EML1: variants seen among roughly 807,000 people sequenced by gnomAD.
The protein encoded by EML1 is echinoderm microtubule-associated protein-like 1.
In EML1, 27 loss-of-function variants were observed where a neutral mutation model predicts 110.4. The observed-to-expected ratio is 0.24, with a 90% CI of 0.18 to 0.34. The LOEUF (loss-of-function observed/expected upper bound fraction) is 0.34. EML1 is among the 10% of genes least tolerant of loss of function. The pLI, the probability that EML1 is intolerant of heterozygous loss-of-function variation, is 1.00. For synonymous variants in EML1, 344 were observed against 385.8 expected (o/e 0.89, Z 1.27); for missense variants, 741 against 1,030.9 (o/e 0.72, Z 3.85).
At chr14:99,931,586 A>C (rs185803162) in intron 17 of EML1, among the ~76,000 whole-genome samples, 1 of 152,192 alleles carries the variant, frequency 6.6e-6, no homozygotes, top group Admixed American at 6.5e-5. Flanking sequence ...ATTTCAGTGG[A>C]GTAAGTTTAG....
chr14:99,739,003 A>G (rs1280893201), intron 1 of EML1, among the ~76,000 whole-genome samples: 2 of 151,768 alleles, frequency 1.3e-5, no homozygotes, highest in African/African-American at 4.8e-5. Flanking sequence ...GTTACTAATG[A>G]ACAGTGCCAG....
At chr14:99,739,119 A>AGTGTGTGTGT (rs71113220) in intron 1 of EML1, among the ~76,000 whole-genome samples, 8 of 134,910 alleles carry the variant, frequency 5.9e-5, no homozygotes, top group African/African-American at 2.1e-4. Flanking sequence ...AGAGAGAGAG[A>AGTGTGTGTGT]GTGTGTGTGT....
chr14:99,738,611 G>T (rs1290966079), intron 1 of EML1, among the ~76,000 whole-genome samples: 1 of 152,238 alleles, frequency 6.6e-6, no homozygotes, highest in Non-Finnish European at 1.5e-5. Flanking sequence ...AGGCTGGGTG[G>T]TCTTGGGCAG....
At chr14:99,906,348 C>T (rs573811059) in intron 9 of EML1, among the ~76,000 whole-genome samples, 2 of 152,160 alleles carry the variant, frequency 1.3e-5, no homozygotes, top group Non-Finnish European at 2.9e-5. Context: ...AGAGCAGCCC[C>T]GAGGGCTGCT....
chr14:99,775,075 G>A (rs2057467189), intron 1 of EML1, among the ~76,000 whole-genome samples: 1 of 152,230 alleles, frequency 6.6e-6, no homozygotes, highest in African/African-American at 2.4e-5. Context: ...ATACTGTTAT[G>A]TAATTAGGAA....
At chr14:99,850,158 CA>C in intron 1 of EML1, 1 of 518,786 alleles carries the variant, frequency 1.9e-6, no homozygotes, top group Non-Finnish European at 3.4e-6. Flanking sequence ...AGGCTGATAT[CA>C]AACTCCTGCG....
intron 12 of EML1, among the ~76,000 whole-genome samples, chr14:99,910,884 A>G (rs1348293752): frequency 6.6e-6 from 1 of 152,206 alleles, no homozygotes; most frequent in Non-Finnish European, 1.5e-5. Flanking sequence ...GTGACAAGAA[A>G]AAAGGGAAAA....
At position 99,753,210 on chromosome 14, in the gene EML1, C is replaced by T. The variant is rs1351062587; in HGVS notation, c.28+15350C>T. 3.7e-5 allele frequency among the ~76,000 whole-genome samples: 5 copies of T among 136,416 alleles called. 1 individual carries two copies. Among genetic ancestry groups the T allele is most frequent in the Admixed American group, 2.9e-4 (4 of 13,872 alleles). The allele number at this position is 136,416 out of a possible 152,430, so 89.5% of individuals were successfully genotyped here. ...CCGCACCCCCCGCCCCCCCGCCGCC[C>T]CCCCACCCCCCACTGCCCCCGCACC... is the stretch of plus-strand genomic sequence containing the variant. On this transcript the variant is annotated intron_variant, in intron 1 of 10. Transcript: ENST00000554479.
chr14:99,881,130 C>T (rs1477739595), intron 4 of EML1, among the ~76,000 whole-genome samples: 1 of 152,178 alleles, frequency 6.6e-6, no homozygotes, highest in Non-Finnish European at 1.5e-5. Flanking sequence ...GCTTGCGATC[C>T]CAGCCTGCCC....
intron 1 of EML1, among the ~76,000 whole-genome samples, chr14:99,835,021 T>C (rs1045057497): frequency 6.6e-5 from 10 of 151,830 alleles, no homozygotes; most frequent in African/African-American, 2.4e-4. Context: ...GGGGTTTTCA[T>C]TTGTTACCCA....
At chr14:99,891,314 G>T in intron 5 of EML1, 87 bp downstream of exon 5, 2 of 1,548,352 alleles carry the variant, frequency 1.3e-6, no homozygotes, top group South Asian at 2.3e-5. Flanking sequence ...AGCTTCAGGG[G>T]CCAGCCTTGG....
chr14:99,748,722 T>C (rs1207910372), intron 1 of EML1, among the ~76,000 whole-genome samples: 3 of 152,210 alleles, frequency 2.0e-5, no homozygotes, highest in Non-Finnish European at 4.4e-5. Flanking sequence ...CAGTGGTTGT[T>C]AGTATATTCA....
chr14:99,898,289 C>T lies in EML1; in HGVS notation c.884C>T (p.Ser295Leu). 1.2e-6 allele frequency: 2 copies of T among 1,610,698 alleles called. No individual in the cohort carries two copies. The highest frequency in any genetic ancestry group is 1.7e-6 in the Non-Finnish European group (2 of 1,178,030). Residue 295 changes from serine (S) to leucine (L), a missense_variant, in exon 8 of 22, where the codon TCG becomes TTG. Physicochemically the swap from Ser to Leu is moderately radical, Grantham distance 145. Around this residue, in one of 4 missense-constraint regions of EML1, gnomAD observed 388 missense variants for 605.6 expected, o/e 0.64. Coordinates refer to ENST00000262233, the MANE Select transcript of EML1 (RefSeq NM_004434.3). ...GCAACAGGACAAGTTGCGGGCACAT[C>T]GAAGGATGGAAAAGTGAGTTACGTT... ...TIATGQVAGT[S>L]KDGKQLPPHV... is the part of the protein sequence containing the mutation.
intron 1 of EML1, among the ~76,000 whole-genome samples, chr14:99,821,208 A>T (rs980570180): frequency 5.3e-5 from 8 of 152,084 alleles, no homozygotes; most frequent in Non-Finnish European, 1.0e-4. Context: ...TTGTTGAGAC[A>T]GGGTCTCACT....
At chr14:99,849,702 C>A (rs2058761331) in intron 1 of EML1, among the ~76,000 whole-genome samples, 1 of 151,756 alleles carries the variant, frequency 6.6e-6, no homozygotes, top group Admixed American at 6.6e-5. Flanking sequence ...CGCGCACCAC[C>A]ACACCCAGCT....
At chr14:99,938,027 A>G (rs1307435074) in intron 20 of EML1, 115 bp downstream of exon 20, 4 of 1,064,078 alleles carry the variant, frequency 3.8e-6, no homozygotes, top group Non-Finnish European at 5.6e-6. Flanking sequence ...CTCGGCTGCT[A>G]CGGGAGGCCC....
chr14:99,831,419 T>C (rs1296005123), intron 1 of EML1, among the ~76,000 whole-genome samples: 1 of 152,090 alleles, frequency 6.6e-6, no homozygotes, highest in Non-Finnish European at 1.5e-5. Context: ...CCCCCATCGT[T>C]GGGCCCACTG....
intron 9 of EML1, among the ~76,000 whole-genome samples, chr14:99,904,005 A>C (rs2059803235): frequency 6.6e-6 from 1 of 151,736 alleles, no homozygotes; most frequent in Non-Finnish European, 1.5e-5. Flanking sequence ...CTGATCTCGA[A>C]CTCCTGACCT....
At chr14:99,789,622 C>T (rs775022630), upstream of EML1, among the ~76,000 whole-genome samples, 14 of 152,192 alleles carry the variant, frequency 9.2e-5, no homozygotes, top group Non-Finnish European at 1.6e-4. Flanking sequence ...AGCATAGGGC[C>T]TGGCACTGTG....
Sources: gnomAD v4.1 joint callset for allele counts (sites outside exome capture counted in the v4.1 genomes callset) on GRCh38, gnomAD v4.1.1 for gene constraint, gnomAD v4.1.1 regional missense constraint, MANE v1.5 for transcripts, NCBI Gene and HGNC (gene_info 2026-07-23, HGNC 2026-07-21) for gene names.